Variants in ZSWIM5 observed in about 807,000 individuals in gnomAD.
ZSWIM5 encodes the protein zinc finger SWIM domain-containing protein 5.
In ZSWIM5, 55 loss-of-function variants were observed where a neutral mutation model predicts 119.6. That is an observed-to-expected ratio of 0.46 (90% CI 0.37 to 0.58). The LOEUF (loss-of-function observed/expected upper bound fraction) is 0.58. ZSWIM5 is among the 20% of genes least tolerant of loss of function. The probability of loss-of-function intolerance (pLI) is 0.00; values close to 1 mark genes in which losing one functional copy is unlikely to be tolerated. For missense variants in ZSWIM5, 1,193 were observed against 1,512.8 expected, an observed-to-expected ratio of 0.79 and a Z score of 3.51; for synonymous variants, 537 against 606.9, an observed-to-expected ratio of 0.88 and a Z score of 1.69.
intron 1 of ZSWIM5, among the ~76,000 whole-genome samples, chr1:45,200,071 A>G (rs1646149903): frequency 6.6e-6 from 1 of 152,206 alleles, no homozygotes; most frequent in African/African-American, 2.4e-5. Flanking sequence ...ATATAAATCA[A>G]TTAAGAGAGA....
intron 1 of ZSWIM5, among the ~76,000 whole-genome samples, chr1:45,148,322 T>A (rs180960233): frequency 6.6e-6 from 1 of 152,232 alleles, no homozygotes; most frequent in East Asian, 1.9e-4. Flanking sequence ...GATGAGACAC[T>A]TCAATCACAT....
chr1:45,136,526 G>A (rs1645691404), intron 1 of ZSWIM5, among the ~76,000 whole-genome samples: 1 of 151,806 alleles, frequency 6.6e-6, no homozygotes, highest in Admixed American at 6.6e-5. Flanking sequence ...AGGATTTCCT[G>A]GGCCTGTTTC....
chr1:45,104,022 G>A (rs550908027), intron 1 of ZSWIM5, among the ~76,000 whole-genome samples: 2 of 152,336 alleles, frequency 1.3e-5, no homozygotes, highest in South Asian at 4.1e-4. Flanking sequence ...AGTTAAAAAG[G>A]ATATGCAAAT....
At chr1:45,183,463 GGTT>G (rs891632655) in intron 1 of ZSWIM5, among the ~76,000 whole-genome samples, 15 of 152,108 alleles carry the variant, frequency 9.9e-5, no homozygotes. Flanking sequence ...TCCAGGAGCT[GGTT>G]TTTTGAAAGG....
intron 2 of ZSWIM5, among the ~76,000 whole-genome samples, chr1:45,077,918 T>C (rs1645265219): frequency 1.3e-5 from 2 of 152,232 alleles, no homozygotes; most frequent in Admixed American, 6.5e-5. Flanking sequence ...AGGTTATCTC[T>C]CTTATTCCCT....
chr1:45,106,180 G>GGC (rs1645475634), intron 1 of ZSWIM5, among the ~76,000 whole-genome samples: 3 of 108,930 alleles, frequency 2.8e-5, no homozygotes, highest in Non-Finnish European at 5.7e-5. Flanking sequence ...CGGGGAAGTG[G>GGC]GCGCCTCTGC....
At chr1:45,163,572 C>T (rs940782201) in intron 1 of ZSWIM5, among the ~76,000 whole-genome samples, 3 of 152,076 alleles carry the variant, frequency 2.0e-5, no homozygotes, top group African/African-American at 7.2e-5. Flanking sequence ...AGTTGAAAAC[C>T]TTGAAAAAAG....
chr1:45,137,298 C>T (rs1050273797), intron 1 of ZSWIM5, among the ~76,000 whole-genome samples: 2 of 152,154 alleles, frequency 1.3e-5, no homozygotes, highest in African/African-American at 4.8e-5. Context: ...ATCCTCCTGC[C>T]GTGGCCTCCC....
intron 4 of ZSWIM5, 33 bp from the exon 5 acceptor site, chr1:45,051,286 CTCTCCTTTGATGTGTGT>C (rs778912882): frequency 3.2e-5 from 51 of 1,598,766 alleles, no homozygotes; most frequent in Non-Finnish European, 3.9e-5. Flanking sequence ...TTCTTAACAT[CTCTCCTTTGATGTGTGT>C]GTAAGCCTTA....
chr1:45,180,634 G>C (rs1336881731), intron 1 of ZSWIM5, among the ~76,000 whole-genome samples: 1 of 152,178 alleles, frequency 6.6e-6, no homozygotes, highest in East Asian at 1.9e-4. Flanking sequence ...GCCTCCTCAA[G>C]TGGGTCCCTG....
chr1:45,114,156 C>T (rs1645533276), intron 1 of ZSWIM5, among the ~76,000 whole-genome samples: 1 of 152,144 alleles, frequency 6.6e-6, no homozygotes. Context: ...CATGTGATGT[C>T]AGCTTCATGG....
intron 2 of ZSWIM5, among the ~76,000 whole-genome samples, chr1:45,066,244 ACATTTT>A (rs1031586811): frequency 2.6e-5 from 4 of 152,072 alleles, no homozygotes; most frequent in East Asian, 1.9e-4. Flanking sequence ...ATTTTCTAAG[ACATTTT>A]CATTTTCATT....
At chr1:45,094,277 A>G (rs1249260179) in intron 1 of ZSWIM5, among the ~76,000 whole-genome samples, 1 of 151,422 alleles carries the variant, frequency 6.6e-6, no homozygotes, top group African/African-American at 2.4e-5. Flanking sequence ...GATGGTCTCG[A>G]TCTCCTGACT....
At chr1:45,043,105 T>C (rs1645025806) in intron 6 of ZSWIM5, 114 bp downstream of exon 6, 6 of 1,067,820 alleles carry the variant, frequency 5.6e-6, no homozygotes, top group Middle Eastern at 3.1e-4. Flanking sequence ...AAAATATCTG[T>C]GTGAAAACTG....
Position 45,206,313 on chromosome 1 carries a change from G to A in ZSWIM5, c.38C>T (p.Pro13Leu). Residue 13 changes from proline to leucine, a missense_variant, in exon 1 of 14, where the codon CCG becomes CTG. By Grantham distance (98) the Pro-to-Leu change is moderately conservative. Coordinates refer to ENST00000359600, the MANE Select transcript of ZSWIM5 (RefSeq NM_020883.2). Reference sequence around the variant, plus strand: ...CCGCTTAGCCGGAGAGACCGGTGACGGCGAGAGCAGCTCCTCTCGCTCACC... The same window carrying A: ...CCGCTTAGCCGGAGAGACCGGTGACAGCGAGAGCAGCTCCTCTCGCTCACC... Reference protein sequence around the residue: ...DGGEREELLSPSPVSPAKRQC... With the variant: ...DGGEREELLSLSPVSPAKRQC... 1.3e-6 allele frequency: 2 copies of A among 1,533,130 alleles called. No individual in the cohort carries two copies. The highest frequency in any genetic ancestry group is 1.2e-5 in the South Asian group (1 of 81,212). 95.0% of individuals were successfully genotyped at this position (1,533,130 alleles called of 1,614,324 possible).
intron 11 of ZSWIM5, among the ~76,000 whole-genome samples, chr1:45,027,428 C>T (rs12068434): frequency 0.065 from 9,929 of 151,980 alleles, 1,086 homozygotes; most frequent in African/African-American, 0.23. Context: ...GGCAGAGTCT[C>T]GCTCTGTCGC....
chr1:45,168,664 C>CAA (rs1024002696), intron 1 of ZSWIM5, among the ~76,000 whole-genome samples: 20 of 38,826 alleles, frequency 5.2e-4, no homozygotes, highest in East Asian at 2.5e-3. Context: ...GACTCCATCT[C>CAA]AAAAAAAAAA....
intron 1 of ZSWIM5, among the ~76,000 whole-genome samples, chr1:45,091,686 A>ACAAC (rs762859677): frequency 2.9e-4 from 44 of 152,150 alleles, no homozygotes; most frequent in Non-Finnish European, 5.9e-4. Flanking sequence ...CAAACAAAAA[A>ACAAC]CAACCAACCA....
chr1:45,160,582 C>T (rs1366622083), intron 1 of ZSWIM5, among the ~76,000 whole-genome samples: 3 of 151,992 alleles, frequency 2.0e-5, no homozygotes, highest in Non-Finnish European at 4.4e-5. Context: ...TCCAGCTGCA[C>T]CCATGTTGCT....
Sources: gnomAD v4.1 joint callset for allele counts (sites outside exome capture counted in the v4.1 genomes callset) on GRCh38, gnomAD v4.1.1 for gene constraint, MANE v1.5 for transcripts, NCBI Gene and HGNC (gene_info 2026-07-23, HGNC 2026-07-21) for gene names.